GTF2H5: variants seen among roughly 807,000 people sequenced by gnomAD.
GTF2H5 encodes general transcription factor IIH subunit 5.
Under a neutral mutation model 7.1 loss-of-function variants are expected in GTF2H5, and 5 were observed. The ratio of observed to expected loss-of-function variants is 0.71; its 90% CI spans 0.37 to 1.49. GTF2H5 has a LOEUF of 1.49. GTF2H5 is among the 40% of genes most tolerant of loss of function. The pLI, the probability that GTF2H5 is intolerant of heterozygous loss-of-function variation, is 0.03. For missense variants in GTF2H5, 80 were observed against 83.0 expected, an observed-to-expected ratio of 0.96 and a Z score of 0.14; for synonymous variants, 30 against 31.7, an observed-to-expected ratio of 0.95 and a Z score of 0.18.
intron 2 of GTF2H5, among the ~76,000 whole-genome samples, chr6:158,188,299 C>G (rs1303482270): frequency 6.6e-6 from 1 of 152,184 alleles, no homozygotes; most frequent in African/African-American, 2.4e-5. Context: ...ATTCTCCCCA[C>G]CAGTCCCTCC....
At position 158,195,551 on chromosome 6, in the gene GTF2H5, C is replaced by G. The variant is rs1246838134; in HGVS notation, c.*3394C>G. 2 of 152,166 alleles carry G rather than the reference C, an allele frequency of 1.3e-5. No individual in the cohort carries two copies. The highest frequency in any genetic ancestry group is 4.8e-5 in the African/African-American group (2 of 41,442). 9.4% of individuals were successfully genotyped at this position (152,166 alleles called of 1,614,324 possible). On this transcript the variant is annotated 3_prime_UTR_variant, in exon 3 of 3. Coordinates refer to ENST00000607778, the MANE Select transcript of GTF2H5 (RefSeq NM_207118.3). ...TACTGATAATAGGCAACAAACACTA[C>G]TGCATTTTATTTCTGATAGGCATTA...
At position 158,197,003 on chromosome 6, in the gene GTF2H5, C is replaced by A. The variant is rs909651872; in HGVS notation, c.*4846C>A. The stretch of plus-strand genomic sequence containing the variant: ...TCCACTCAATGGATACCAAAACCAT[C>A]CAGCCCAGGTCAGCTGCAGACAAAA... On this transcript the variant is annotated 3_prime_UTR_variant, in exon 3 of 3. Coordinates refer to ENST00000607778, the MANE Select transcript of GTF2H5 (RefSeq NM_207118.3). 1 of 152,310 alleles carries A rather than the reference C, an allele frequency of 6.6e-6. No individual in the cohort carries two copies. Among genetic ancestry groups the A allele is most frequent in the Non-Finnish European group, 1.5e-5 (1 of 68,028 alleles). The allele number at this position is 152,310 out of a possible 1,614,324, so 9.4% of individuals were successfully genotyped here.
intron 2 of GTF2H5, among the ~76,000 whole-genome samples, chr6:158,186,373 A>T (rs1037385060): frequency 4.6e-5 from 7 of 152,232 alleles, no homozygotes; most frequent in Non-Finnish European, 8.8e-5. Flanking sequence ...ACCTGTTAGT[A>T]GTAGCCAGTT....
At chr6:158,169,396 A>AC (rs1562467799) in intron 1 of GTF2H5, among the ~76,000 whole-genome samples, 1 of 70,652 alleles carries the variant, frequency 1.4e-5, no homozygotes, top group African/African-American at 5.5e-5. Flanking sequence ...TATATATAAT[A>AC]TTATATTGTA....
intron 2 of GTF2H5, among the ~76,000 whole-genome samples, chr6:158,182,489 C>A (rs992411109): frequency 6.6e-6 from 1 of 152,164 alleles, no homozygotes; most frequent in Non-Finnish European, 1.5e-5. Context: ...TGGCTCCATT[C>A]TCCTCGTCAC....
Position 158,191,976 on chromosome 6 carries a change from G to C in GTF2H5, c.36-1G>C. 6.2e-7 allele frequency: 1 copy of C among 1,613,190 alleles called. No homozygotes were observed. Among genetic ancestry groups the C allele is most frequent in the Non-Finnish European group, 8.5e-7 (1 of 1,179,132 alleles). ...TTACAATCATGTGTTTGTCTTTACA[G>C]TGATCCTGCCATGAAGCAGTTTCTG... On this transcript the variant is annotated splice_acceptor_variant, in intron 2 of 2. Coordinates refer to ENST00000607778, the MANE Select transcript of GTF2H5 (RefSeq NM_207118.3). LOFTEE classifies it high-confidence loss of function.
chr6:158,169,772 A>AATATATTTATT (rs71027388), intron 1 of GTF2H5, among the ~76,000 whole-genome samples: 1 of 53,954 alleles, frequency 1.9e-5, no homozygotes, highest in Non-Finnish European at 3.1e-5. Context: ...TATTATATAT[A>AATATATTTATT]ATATATTGTA....
At chr6:158,170,634 G>A in intron 2 of GTF2H5, 96 bp downstream of exon 2, 1 of 907,818 alleles carries the variant, frequency 1.1e-6, no homozygotes, top group Non-Finnish European at 1.8e-6. Flanking sequence ...TTTAAGATAT[G>A]GATGAAATCA....
intron 1 of GTF2H5, among the ~76,000 whole-genome samples, chr6:158,168,653 G>C (rs1217767735): frequency 6.6e-6 from 1 of 152,238 alleles, no homozygotes; most frequent in Non-Finnish European, 1.5e-5. Flanking sequence ...TTAAATGGGC[G>C]TACGCTGAGT....
Position 158,192,351 on chromosome 6 carries a change from A to C in GTF2H5, c.*194A>C. ...TTGTTACCATAGAATTTAAAAAAAA[A>C]AAAAGCTTTAACAGTTGGCTGTAAT... is the stretch of plus-strand genomic sequence containing the variant. On this transcript the variant is annotated 3_prime_UTR_variant, in exon 3 of 3. Transcript: ENST00000607778. The C allele has an allele frequency of 1.8e-6, 1 of 560,694 alleles. No individual in the cohort carries two copies. The highest frequency in any genetic ancestry group is 3.1e-5 in the Admixed American group (1 of 32,048). The allele number at this position is 560,694 out of a possible 1,614,324, so 34.7% of individuals were successfully genotyped here. A position where few individuals can be genotyped will look rare whatever the true frequency, so the allele number is the denominator to read the frequency against.
Position 158,192,355 on chromosome 6 carries a change from A to G in GTF2H5, c.*198A>G. The G allele has an allele frequency of 1.9e-6, 1 of 531,424 alleles. No individual in the cohort carries two copies. The highest frequency in any genetic ancestry group is 3.3e-6 in the Non-Finnish European group (1 of 298,740). The allele number at this position is 531,424 out of a possible 1,614,324, so 32.9% of individuals were successfully genotyped here. A position where few individuals can be genotyped will look rare whatever the true frequency, so the allele number is the denominator to read the frequency against. On this transcript the variant is annotated 3_prime_UTR_variant, in exon 3 of 3. Transcript: ENST00000607778. The stretch of plus-strand genomic sequence containing the variant: ...TACCATAGAATTTAAAAAAAAAAAA[A>G]GCTTTAACAGTTGGCTGTAATTTGG...
At chr6:158,169,164 G>C (rs986469198) in intron 1 of GTF2H5, among the ~76,000 whole-genome samples, 3 of 148,700 alleles carry the variant, frequency 2.0e-5, no homozygotes, top group African/African-American at 7.5e-5. Flanking sequence ...AGCCCGGGAG[G>C]CAGAGGTTGC....
chr6:158,189,172 T>C (rs1776980195), intron 2 of GTF2H5, among the ~76,000 whole-genome samples: 1 of 152,028 alleles, frequency 6.6e-6, no homozygotes, highest in Non-Finnish European at 1.5e-5. Context: ...AAAGGCACCC[T>C]CTTGTACCAT....
intron 2 of GTF2H5, chr6:158,191,087 G>A (rs946433020): frequency 1.7e-5 from 6 of 343,842 alleles, no homozygotes; most frequent in African/African-American, 8.8e-5. Context: ...TTTAATTTCC[G>A]TAAACAATTC....
intron 2 of GTF2H5, among the ~76,000 whole-genome samples, chr6:158,182,296 C>G (rs189772920): frequency 6.6e-4 from 101 of 152,328 alleles, no homozygotes; most frequent in African/African-American, 2.4e-3. Flanking sequence ...TTCTCTCTGA[C>G]TGCCCTTAAC....
At chr6:158,174,773 GT>G (rs1357450866) in intron 2 of GTF2H5, among the ~76,000 whole-genome samples, 2 of 152,270 alleles carry the variant, frequency 1.3e-5, no homozygotes, top group Non-Finnish European at 2.9e-5. Flanking sequence ...ATTCCAACCA[GT>G]TTACATCACA....
In GTF2H5 at chr6:158,197,099, C is replaced by G. The variant is rs1273736333; in HGVS notation, c.*4942C>G. 1 of 152,524 alleles carries G rather than the reference C, an allele frequency of 6.6e-6. No homozygotes were observed. Among genetic ancestry groups the G allele is most frequent in the Non-Finnish European group, 1.5e-5 (1 of 68,024 alleles). The allele number at this position is 152,524 out of a possible 1,614,324, so 9.4% of individuals were successfully genotyped here. A position where few individuals can be genotyped will look rare whatever the true frequency, so the allele number is the denominator to read the frequency against. On this transcript the variant is annotated 3_prime_UTR_variant, in exon 3 of 3. Coordinates refer to ENST00000607778, the MANE Select transcript of GTF2H5 (RefSeq NM_207118.3). ...GAAGCATTTCTTCAAAGAATTGTAG[C>G]AAAAACAGACTTTTAAAACCTTGAA...
intron 2 of GTF2H5, among the ~76,000 whole-genome samples, chr6:158,185,909 A>G (rs1408023442): frequency 6.6e-6 from 1 of 152,114 alleles, no homozygotes; most frequent in East Asian, 1.9e-4. Flanking sequence ...TGGGAGAATC[A>G]TCTGAGCCCA....
At chr6:158,179,526 G>A (rs1367416633) in intron 2 of GTF2H5, among the ~76,000 whole-genome samples, 1 of 152,066 alleles carries the variant, frequency 6.6e-6, no homozygotes, top group African/African-American at 2.4e-5. Context: ...CTTGAGCAGT[G>A]GTTTGTAGTT....
Sources: gnomAD v4.1 joint callset for allele counts (sites outside exome capture counted in the v4.1 genomes callset) on GRCh38, gnomAD v4.1.1 for gene constraint, MANE v1.5 for transcripts, NCBI Gene and HGNC (gene_info 2026-07-23, HGNC 2026-07-21) for gene names.